The following FERRY3 variants were observed in gnomAD, a reference collection of about 807,000 sequenced individuals.
The protein encoded by FERRY3 is FERRY endosomal RAB5 effector complex subunit 3.
At chr12:4,528,041 G>A in the FERRY3 span, among the ~76,000 whole-genome samples, 1 of 152,106 alleles carries the variant, frequency 6.6e-6, no homozygotes, top group South Asian at 2.1e-4. Context: ...GACTATTAAT[G>A]GCTAGATATA....
At chr12:4,518,064 T>C in the FERRY3 span, 1 of 1,605,042 alleles carries the variant, frequency 6.2e-7, no homozygotes, top group Non-Finnish European at 8.5e-7. Flanking sequence ...TTACCTCTTT[T>C]AATACCACTA....
At chr12:4,529,792 T>C in the FERRY3 span, 3 of 1,242,528 alleles carry the variant, frequency 2.4e-6, no homozygotes, top group Admixed American at 5.2e-5. Context: ...TTGTAAAAAA[T>C]AAAAACAAGT....
chr12:4,490,087 C>T, the FERRY3 span, among the ~76,000 whole-genome samples: 5 of 152,260 alleles, frequency 3.3e-5, no homozygotes, highest in South Asian at 1.0e-3. Flanking sequence ...GCTCCATCTT[C>T]TGAGAACTTA....
chr12:4,499,251 A>C, the FERRY3 span, among the ~76,000 whole-genome samples: 4 of 152,148 alleles, frequency 2.6e-5, no homozygotes, highest in Non-Finnish European at 5.9e-5. Flanking sequence ...GGGCTAAAAC[A>C]ATCTTCCTGC....
At chr12:4,499,735 G>A in the FERRY3 span, among the ~76,000 whole-genome samples, 1 of 152,016 alleles carries the variant, frequency 6.6e-6, no homozygotes, top group East Asian at 1.9e-4. Flanking sequence ...TAATTTTCAT[G>A]GCAGCCTAAG....
chr12:4,514,620 T>C, the FERRY3 span, among the ~76,000 whole-genome samples: 2 of 151,330 alleles, frequency 1.3e-5, no homozygotes, highest in Middle Eastern at 6.8e-3. Flanking sequence ...TTGGAAATCA[T>C]CATTCTCAGT....
the FERRY3 span, among the ~76,000 whole-genome samples, chr12:4,530,969 G>T: frequency 6.6e-6 from 1 of 150,508 alleles, no homozygotes; most frequent in Non-Finnish European, 1.5e-5. Flanking sequence ...AAAGATACCT[G>T]TAAAAAAAAA....
At chr12:4,529,976 A>C in the FERRY3 span, 4 of 1,613,632 alleles carry the variant, frequency 2.5e-6, no homozygotes, top group Non-Finnish European at 3.4e-6. Context: ...CAGGAGAATG[A>C]ATTAAGTCAT....
the FERRY3 span, chr12:4,500,381 G>A: frequency 1.9e-6 from 3 of 1,552,774 alleles, no homozygotes; most frequent in Admixed American, 5.0e-5. Flanking sequence ...AAATGCCTAA[G>A]TAAGTCACAT....
the FERRY3 span, among the ~76,000 whole-genome samples, chr12:4,532,405 A>G: frequency 1.7e-4 from 26 of 152,252 alleles, no homozygotes; most frequent in South Asian, 6.2e-4. Context: ...TGGCCTGCCC[A>G]TTGCCTCCTC....
the FERRY3 span, among the ~76,000 whole-genome samples, chr12:4,537,446 G>C: frequency 2.0e-5 from 3 of 152,160 alleles, no homozygotes; most frequent in African/African-American, 4.8e-5. Context: ...TATTAGGCAG[G>C]ATGTTGCGAA....
At chr12:4,535,560 G>T in the FERRY3 span, among the ~76,000 whole-genome samples, 1 of 152,090 alleles carries the variant, frequency 6.6e-6, no homozygotes, top group East Asian at 1.9e-4. This position sits in a 1 kb window ranked among gnomAD's most constrained non-coding sequence, Gnocchi z 4.0. Context: ...CTTTAAAAAT[G>T]GTTTAATACA....
the FERRY3 span, among the ~76,000 whole-genome samples, chr12:4,497,901 C>T: frequency 6.6e-6 from 1 of 152,134 alleles, no homozygotes; most frequent in African/African-American, 2.4e-5. Context: ...GAAAATGACA[C>T]CTGAAAATGC....
chr12:4,518,036 A>C, the FERRY3 span: 217 of 1,576,578 alleles, frequency 1.4e-4, 1 homozygote, highest in African/African-American at 2.8e-3. Flanking sequence ...TAACAAAATA[A>C]ATGTGTATGA....
At chr12:4,488,129 A>G in the FERRY3 span, 1 of 152,190 alleles carries the variant, frequency 6.6e-6, no homozygotes, top group South Asian at 2.1e-4. This position sits in a 1 kb window ranked among gnomAD's most constrained non-coding sequence, Gnocchi z 4.9. Context: ...TGGAAAACGG[A>G]CATTCGATAA....
the FERRY3 span, chr12:4,536,142 TTATATA>T: frequency 6.2e-6 from 10 of 1,604,266 alleles, no homozygotes; most frequent in African/African-American, 1.3e-5. Flanking sequence ...TACTTTAAAT[TTATATA>T]CAAATTCTCT....
At chr12:4,489,997 G>GTCC in the FERRY3 span, 5 of 736,998 alleles carry the variant, frequency 6.8e-6, no homozygotes, top group Non-Finnish European at 1.1e-5. Flanking sequence ...GTTCTACTAG[G>GTCC]AATATGTGAG....
chr12:4,520,046 T>C, the FERRY3 span, among the ~76,000 whole-genome samples: 1 of 152,274 alleles, frequency 6.6e-6, no homozygotes, highest in African/African-American at 2.4e-5. Context: ...ACAGGACACA[T>C]AAGGAGTTTC....
the FERRY3 span, among the ~76,000 whole-genome samples, chr12:4,515,585 T>C: frequency 4.9e-3 from 752 of 152,262 alleles, 12 homozygotes; most frequent in African/African-American, 0.017. Context: ...ATCATCTCAC[T>C]TATACATGGA....
Sources: allele counts gnomAD v4.1 joint callset (sites outside exome capture counted in the v4.1 genomes callset), GRCh38; gene constraint gnomAD v4.1.1; non-coding constraint Gnocchi (gnomAD v3.1); transcripts MANE v1.5; gene names NCBI Gene and HGNC (gene_info 2026-07-23, HGNC 2026-07-21).